The following F8 variants were observed in gnomAD, a reference collection of about 807,000 sequenced individuals.
F8 encodes coagulation factor VIII.
A neutral mutation model predicts 140.6 loss-of-function variants in F8; 12 were observed. The observed-to-expected ratio is 0.09, with a 90% CI of 0.05 to 0.14. The LOEUF is 0.14. Ranked by LOEUF, F8 falls within the 10% of genes least tolerant of loss-of-function variation. The pLI is 1.00. For synonymous variants in F8, 585 were observed against 614.6 expected (o/e 0.95, Z 0.71); for missense variants, 1,354 against 1,720.7 (o/e 0.79, Z 3.77).
At chrX:154,939,765 C>T (rs1055298342) in intron 13 of F8, among the ~76,000 whole-genome samples, 11 of 112,135 alleles carry the variant, frequency 9.8e-5, no homozygotes, top group Admixed American at 2.8e-4. Context: ...AGGCACCCCC[C>T]AGTAGGGGCA....
At chrX:154,971,886 A>C (rs782089772) in intron 6 of F8, among the ~76,000 whole-genome samples, 58 of 112,356 alleles carry the variant, frequency 5.2e-4, no homozygotes, top group South Asian at 1.5e-3. Flanking sequence ...ATAGTATTCC[A>C]TTGTGTATCT....
Position 154,957,140 on chromosome X carries a change from C to T in F8, c.1569G>A (p.Leu523=). 2 of 1,210,705 alleles carry T rather than the reference C, an allele frequency of 1.7e-6. No homozygotes were observed. Among genetic ancestry groups the T allele is most frequent in the Non-Finnish European group, 2.2e-6 (2 of 895,020 alleles). The change falls in exon 11 of 26, where the codon CTG becomes CTA. Residue 523 remains leucine (L), a synonymous_variant. Transcript: ENST00000360256. The stretch of plus-strand genomic sequence containing the variant: ...ATTTATATTTGAATATTTCTCCTGG[C>T]AGAATTGGAAAATCCTTCAAATGTT... ...GVKHLKDFPI[L]PGEIFKYKWT...
intron 25 of F8, among the ~76,000 whole-genome samples, chrX:154,859,304 C>CTTT (rs782710528): frequency 1.0e-5 from 1 of 95,556 alleles, no homozygotes; most frequent in African/African-American, 3.8e-5. Flanking sequence ...AGCGTATTTT[C>CTTT]TTTTTTTTTT....
chrX:155,010,879 C>A (rs1232376783), intron 1 of F8, among the ~76,000 whole-genome samples: 2 of 111,493 alleles, frequency 1.8e-5, no homozygotes, highest in African/African-American at 6.5e-5. Flanking sequence ...ATCCCCTCCT[C>A]ACACCATATA....
At chrX:155,013,865 G>C (rs1275678758) in intron 1 of F8, among the ~76,000 whole-genome samples, 1 of 111,499 alleles carries the variant, frequency 9.0e-6, no homozygotes, top group Non-Finnish European at 1.9e-5. Flanking sequence ...CTTTTCCTCA[G>C]TGCATGAGTG....
At chrX:154,999,421 T>A in intron 2 of F8, 58 bp downstream of exon 2, 1 of 1,149,725 alleles carries the variant, frequency 8.7e-7, no homozygotes, top group Non-Finnish European at 1.2e-6. Context: ...TTGGGGAATC[T>A]GTGATAGAAA....
At chrX:154,983,432 G>C (rs868906668) in intron 6 of F8, among the ~76,000 whole-genome samples, 2 of 111,979 alleles carry the variant, frequency 1.8e-5, no homozygotes, top group East Asian at 5.6e-4. Flanking sequence ...AGCTAAAAGA[G>C]TGGATCTTGT....
At chrX:154,961,699 C>A (rs2073396346) in intron 9 of F8, among the ~76,000 whole-genome samples, 2 of 111,009 alleles carry the variant, frequency 1.8e-5, no homozygotes, top group Admixed American at 9.6e-5. Flanking sequence ...CCTTTCTCGG[C>A]CAAGGAGACC....
chrX:154,878,266 C>T (rs2072831669), intron 22 of F8, among the ~76,000 whole-genome samples: 1 of 110,217 alleles, frequency 9.1e-6, no homozygotes, highest in Non-Finnish European at 1.9e-5. Context: ...ATAGCCCATG[C>T]TCAAGTGGAA....
intron 14 of F8, among the ~76,000 whole-genome samples, chrX:154,921,916 T>C (rs1194315370): frequency 3.6e-5 from 4 of 110,706 alleles, no homozygotes; most frequent in Non-Finnish European, 7.6e-5. Context: ...CATTAGGAGA[T>C]ATACCTAATG....
chrX:155,001,329 TTTTTTG>T (rs2073645158), intron 1 of F8, among the ~76,000 whole-genome samples: 1 of 101,489 alleles, frequency 9.9e-6, no homozygotes, highest in African/African-American at 3.6e-5. Flanking sequence ...TTTTTTTTTT[TTTTTTG>T]ACAGGGTCTC....
At chrX:154,967,057 C>G (rs2073429028) in intron 7 of F8, among the ~76,000 whole-genome samples, 1 of 111,508 alleles carries the variant, frequency 9.0e-6, no homozygotes, top group South Asian at 3.8e-4. Flanking sequence ...TACAATTCAA[C>G]ATGAGATTTC....
At position 154,921,494 on chromosome X, in the gene F8, A is replaced by G. The variant is rs1268774697; in HGVS notation, c.5219+7077T>C. On this transcript the variant is annotated intron_variant, in intron 14 of 25. Coordinates refer to ENST00000360256, the MANE Select transcript of F8 (RefSeq NM_000132.4). ...GGCAATTCCTCAGGGATCTAGAACT[A>G]GAAATGCCATTTGACCCAGCCATCC... Among the ~76,000 whole-genome samples, 128 of 112,211 alleles carry G rather than the reference A, an allele frequency of 1.1e-3. 3 individuals are homozygous for G. The highest frequency in any genetic ancestry group is 6.6e-3 in the Admixed American group (70 of 10,593).
rs1376267823 is a variant in F8 at position 154,861,788 on chromosome X, A to G, written c.6653T>C (p.Met2218Thr). The G allele has an allele frequency of 8.3e-7, 1 of 1,211,575 alleles. No individual in the cohort carries two copies. Among genetic ancestry groups the G allele is most frequent in the East Asian group, 3.0e-5 (1 of 33,830 alleles). ...TTTTGAAGGAGACCAGGTGGCAAACATATTGGTAAAGTAGGATGAAGCAGT... is the reference window on the plus strand; with the variant it reads ...TTTTGAAGGAGACCAGGTGGCAAACGTATTGGTAAAGTAGGATGAAGCAGT... ...QITASSYFTN[M>T]FATWSPSKAR... is the part of the protein sequence containing the mutation. Residue 2218 changes from methionine to threonine, a missense_variant, in exon 24 of 26, where the codon ATG (methionine) becomes ACG (threonine). Physicochemically the swap from Met to Thr is moderately conservative, Grantham distance 81. Around this residue, in one of 4 missense-constraint regions of F8, gnomAD observed 316 missense variants for 485.4 expected, o/e 0.65. Transcript: ENST00000360256.
intron 1 of F8, among the ~76,000 whole-genome samples, chrX:155,017,337 C>A (rs890991691): frequency 1.6e-4 from 18 of 112,410 alleles, no homozygotes; most frequent in African/African-American, 4.9e-4. Context: ...TCCACCTGGA[C>A]TTCTAACTCA....
In F8 at chrX:154,896,506, TACAC is replaced by T. The variant is rs57253105; in HGVS notation, c.6274-278_6274-275del. On this transcript the variant is annotated intron_variant, in intron 21 of 25. Transcript: ENST00000360256. ...ACCAAATCATTGAGCCCCCATTTCG[TACAC>T]ACACACACACACACACACACACACA... Among the ~76,000 whole-genome samples the T allele has an allele frequency of 0.35, 34,609 of 98,591 alleles. 4,779 individuals are homozygous for T. The highest frequency in any genetic ancestry group is 0.43 in the African/African-American group (11,585 of 27,065). 85.6% of individuals were successfully genotyped at this position (98,591 alleles called of 115,157 possible).
In F8 at chrX:154,835,851, G is replaced by C. The variant is rs2072471074; in HGVS notation, c.*1746C>G. On this transcript the variant is annotated 3_prime_UTR_variant, in exon 26 of 26. Transcript: ENST00000360256. ...TGAAGAAACCAGCAGGAAAATAAAAGAGCTAGTTCCATGAACATTTGAGAA... is the reference window on the plus strand; with the variant it reads ...TGAAGAAACCAGCAGGAAAATAAAACAGCTAGTTCCATGAACATTTGAGAA... 1 of 112,343 alleles carries C rather than the reference G, an allele frequency of 8.9e-6. No homozygotes were observed. Among genetic ancestry groups the C allele is most frequent in the Non-Finnish European group, 1.9e-5 (1 of 53,294 alleles). The allele number at this position is 112,343 out of a possible 1,213,427, so 9.3% of individuals were successfully genotyped here. A position where few individuals can be genotyped will look rare whatever the true frequency, so the allele number is the denominator to read the frequency against.
At chrX:154,844,510 C>T (rs1452759075) in intron 25 of F8, among the ~76,000 whole-genome samples, 48 of 110,293 alleles carry the variant, frequency 4.4e-4, no homozygotes, top group African/African-American at 1.4e-3. Context: ...CCTTCATATC[C>T]CTTGTAAGTT....
intron 22 of F8, among the ~76,000 whole-genome samples, chrX:154,876,115 ATTTTT>A (rs58675912): frequency 1.2e-5 from 1 of 81,469 alleles, no homozygotes; most frequent in Admixed American, 1.3e-4. Context: ...TATCATGGGA[ATTTTT>A]TTTTTTTTTT....
Sources: allele counts gnomAD v4.1 joint callset (sites outside exome capture counted in the v4.1 genomes callset), GRCh38; gene constraint gnomAD v4.1.1; regional missense constraint gnomAD v4.1.1; transcripts MANE v1.5; gene names NCBI Gene and HGNC (gene_info 2026-07-23, HGNC 2026-07-21).